EPHA5: variants seen among roughly 807,000 people sequenced by gnomAD.
The protein encoded by EPHA5 is ephrin type-A receptor 5.
Under a neutral mutation model 105.0 loss-of-function variants are expected in EPHA5, and 60 were observed. The observed-to-expected ratio is 0.57, with a 90% CI of 0.46 to 0.71. The LOEUF (loss-of-function observed/expected upper bound fraction) is 0.71, where lower values mean the gene tolerates loss of function less well. Among genes scored for constraint, EPHA5 ranks in the 30% least tolerant of loss-of-function variants. The pLI is 0.00. For missense variants in EPHA5, 1,218 were observed against 1,274.7 expected, an observed-to-expected ratio of 0.96 and a Z score of 0.68; for synonymous variants, 513 against 449.1, an observed-to-expected ratio of 1.14 and a Z score of -1.80.
intron 8 of EPHA5, among the ~76,000 whole-genome samples, chr4:65,392,637 T>C (rs931905917): frequency 2.0e-5 from 3 of 152,182 alleles, no homozygotes; most frequent in African/African-American, 7.2e-5. Flanking sequence ...TTAACTCCTA[T>C]GCACTACTTC....
chr4:65,341,131 G>A (rs1019307669), intron 14 of EPHA5, among the ~76,000 whole-genome samples: 2 of 152,060 alleles, frequency 1.3e-5, no homozygotes, highest in African/African-American at 4.8e-5. Context: ...GTTTCTTGGA[G>A]GGCTGGAGGG....
At chr4:65,365,688 T>G (rs1160495437) in intron 10 of EPHA5, among the ~76,000 whole-genome samples, 1 of 109,778 alleles carries the variant, frequency 9.1e-6, no homozygotes. Context: ...TATATATATA[T>G]AGTGAAACAT....
intron 2 of EPHA5, among the ~76,000 whole-genome samples, chr4:65,608,321 G>A (rs1744437118): frequency 6.6e-6 from 1 of 151,904 alleles, no homozygotes; most frequent in Admixed American, 6.6e-5. Context: ...TGACTAACAC[G>A]GTGAAACCCT....
intron 3 of EPHA5, among the ~76,000 whole-genome samples, chr4:65,569,884 G>A (rs1298273557): frequency 6.6e-6 from 1 of 151,636 alleles, no homozygotes; most frequent in Non-Finnish European, 1.5e-5. Flanking sequence ...GTCATCTAGA[G>A]TTCAATCAAA....
At chr4:65,601,583 C>T (rs2149436317) in intron 3 of EPHA5, 58 bp downstream of exon 3, 2 of 1,486,250 alleles carry the variant, frequency 1.3e-6, no homozygotes, top group Non-Finnish European at 1.8e-6. Context: ...GGAGGAAATA[C>T]ATATACATGA....
At chr4:65,666,296 C>T (rs772397164) in intron 1 of EPHA5, among the ~76,000 whole-genome samples, 3 of 152,192 alleles carry the variant, frequency 2.0e-5, no homozygotes, top group Non-Finnish European at 2.9e-5. Flanking sequence ...TGGGACATTA[C>T]TGACTGTAGC....
At chr4:65,377,329 G>T (rs1008583144) in intron 8 of EPHA5, among the ~76,000 whole-genome samples, 1 of 151,782 alleles carries the variant, frequency 6.6e-6, no homozygotes, top group Non-Finnish European at 1.5e-5. Flanking sequence ...CAATATATTC[G>T]AATTAATTGT....
chr4:65,574,083 A>C, intron 3 of EPHA5: 1 of 1,606,926 alleles, frequency 6.2e-7, no homozygotes, highest in Non-Finnish European at 8.5e-7. Flanking sequence ...CAATGTAAAA[A>C]TCCCAAAACA....
chr4:65,669,598 C>T lies in EPHA5; in HGVS notation c.145G>A (p.Ala49Thr), dbSNP rs138631715. 2.8e-6 allele frequency: 4 copies of T among 1,433,898 alleles called. No homozygotes were observed. The highest frequency in any genetic ancestry group is 3.7e-6 in the Non-Finnish European group (4 of 1,088,204). The allele number at this position is 1,433,898 out of a possible 1,614,324, so 88.8% of individuals were successfully genotyped here. ...GGGCTGGCCAGGAGGGTCCGGAGTG[C>T]GGCGCACAGGAGAAGGCACGTCCAG... ...PLWTCLLLCA[A>T]LRTLLASPSN... The change falls in exon 1 of 17, where the codon GCA becomes ACA. Residue 49 changes from alanine (A) to threonine (T), a missense_variant. Ala to Thr is a moderately conservative substitution (Grantham distance 58). Around this residue, in one of 3 missense-constraint regions of EPHA5, gnomAD observed 233 missense variants for 227.5 expected, o/e 1.02. Transcript: ENST00000613740.
intron 3 of EPHA5, among the ~76,000 whole-genome samples, chr4:65,572,933 A>G (rs967108666): frequency 4.6e-5 from 7 of 152,064 alleles, no homozygotes; most frequent in African/African-American, 7.2e-5. Context: ...CAGGAGACTT[A>G]GGCAAGAGAA....
intron 7 of EPHA5, among the ~76,000 whole-genome samples, chr4:65,408,854 G>A (rs1056518497): frequency 6.6e-6 from 1 of 151,820 alleles, no homozygotes; most frequent in African/African-American, 2.4e-5. Context: ...ATACCCAAAG[G>A]ACTATAAATC....
At chr4:65,592,631 A>C (rs1649487850) in intron 3 of EPHA5, among the ~76,000 whole-genome samples, 1 of 152,214 alleles carries the variant, frequency 6.6e-6, no homozygotes, top group African/African-American at 2.4e-5. Flanking sequence ...CAAGAATCAA[A>C]ATCAGTGGCC....
chr4:65,607,562 C>T (rs1369815982), intron 2 of EPHA5, among the ~76,000 whole-genome samples: 1 of 152,078 alleles, frequency 6.6e-6, no homozygotes, highest in Non-Finnish European at 1.5e-5. Context: ...ATTTATGCAG[C>T]CAACAAATAT....
intron 3 of EPHA5, among the ~76,000 whole-genome samples, chr4:65,521,867 T>C (rs1021904676): frequency 6.6e-6 from 1 of 152,068 alleles, no homozygotes; most frequent in Non-Finnish European, 1.5e-5. Context: ...AGTAGGTGCC[T>C]GCAGCAAGTT....
At chr4:65,598,708 A>G (rs957808174) in intron 3 of EPHA5, among the ~76,000 whole-genome samples, 1 of 152,210 alleles carries the variant, frequency 6.6e-6, no homozygotes, top group Non-Finnish European at 1.5e-5. Flanking sequence ...GGGATATTGG[A>G]GCACAGATCT....
At chr4:65,475,732 G>A (rs1040231784) in intron 5 of EPHA5, among the ~76,000 whole-genome samples, 11 of 152,110 alleles carry the variant, frequency 7.2e-5, no homozygotes, top group South Asian at 2.1e-4. Context: ...TAAGCCACAC[G>A]AATGTTTGAT....
Position 65,514,082 on chromosome 4 carries a change from C to T in EPHA5, c.911-18539G>A, listed in dbSNP as rs549177209. Among the ~76,000 whole-genome samples the T allele has an allele frequency of 2.8e-4, 42 of 152,272 alleles. No homozygotes were observed. In the South Asian group the frequency reaches 8.1e-3, roughly 29 times the overall value. On this transcript the variant is annotated intron_variant, in intron 3 of 16. Coordinates refer to ENST00000613740, the MANE Select transcript of EPHA5 (RefSeq NM_001281766.3). ...AACATATGGCTTTGTCCTGATGACA[C>T]TAACTGTGCAGTAGTAGCTGTTCTC...
intron 2 of EPHA5, among the ~76,000 whole-genome samples, chr4:65,612,129 G>C (rs1744838153): frequency 6.6e-6 from 1 of 151,372 alleles, no homozygotes; most frequent in Admixed American, 6.6e-5. Context: ...TTTCCATAGA[G>C]AATGGCTTTA....
rs576393614 is a variant in EPHA5 at position 65,570,461 on chromosome 4, C to G, written c.910+31180G>C. 5.3e-5 allele frequency among the ~76,000 whole-genome samples: 8 copies of G among 151,474 alleles called. No homozygotes were observed. The East Asian group carries it at 1.4e-3, about 26-fold the overall frequency. ...TTTTTTTTTCTTCCCCACCTCCCCC[C>G]ACTCTACCCTCATACATATACTCAT... On this transcript the variant is annotated intron_variant, in intron 3 of 16. Transcript: ENST00000613740.
Sources: gnomAD v4.1 joint callset for allele counts (sites outside exome capture counted in the v4.1 genomes callset) on GRCh38, gnomAD v4.1.1 for gene constraint, gnomAD v4.1.1 regional missense constraint, MANE v1.5 for transcripts, NCBI Gene and HGNC (gene_info 2026-07-23, HGNC 2026-07-21) for gene names.